DTWD2: variants seen among roughly 807,000 people sequenced by gnomAD.
The protein encoded by DTWD2 is DTW motif tRNA-uridine aminocarboxypropyltransferase 2, also known as tRNA-uridine aminocarboxypropyltransferase 2.
A neutral mutation model predicts 31.8 loss-of-function variants in DTWD2; 39 were observed. That is an observed-to-expected ratio of 1.22 (90% CI 0.95 to 1.60). DTWD2 has a LOEUF of 1.60. Ranked by LOEUF, DTWD2 falls within the 40% of genes most tolerant of loss-of-function variation. The probability of loss-of-function intolerance (pLI) is 0.00; values close to 1 mark genes in which losing one functional copy is unlikely to be tolerated. For synonymous variants in DTWD2, 180 were observed against 142.8 expected, an observed-to-expected ratio of 1.26 and a Z score of -1.86; for missense variants, 515 against 381.5, an observed-to-expected ratio of 1.35 and a Z score of -2.92.
rs559751990 is a variant in DTWD2, at chr5:118,944,740, T to C, written c.219-91A>G. On this transcript the variant is annotated intron_variant, in intron 1 of 5. Transcript: ENST00000510708. ...AATGACCTTAATCCCACTGCATTTA[T>C]ACAAAGAGGTTTGCTAAAGCTACAT... The C allele has an allele frequency of 6.7e-5, 79 of 1,172,390 alleles. 1 individual carries two copies. The South Asian group carries it at 7.6e-4, about 11-fold the overall frequency. 72.6% of individuals were successfully genotyped at this position (1,172,390 alleles called of 1,614,324 possible).
At chr5:118,843,703 T>C (rs566160552) in intron 5 of DTWD2, among the ~76,000 whole-genome samples, 1 of 152,318 alleles carries the variant, frequency 6.6e-6, no homozygotes, top group African/African-American at 2.4e-5. Flanking sequence ...TTCCAACTTT[T>C]ACATCCTGAA....
chr5:118,901,822 G>A (rs1462386445), intron 4 of DTWD2, among the ~76,000 whole-genome samples: 1 of 152,092 alleles, frequency 6.6e-6, no homozygotes, highest in African/African-American at 2.4e-5. Flanking sequence ...TGCTCAGGCT[G>A]ATCTTGAACT....
At chr5:118,973,088 T>TC (rs1488762488) in intron 1 of DTWD2, among the ~76,000 whole-genome samples, 1 of 151,806 alleles carries the variant, frequency 6.6e-6, no homozygotes, top group Non-Finnish European at 1.5e-5. Flanking sequence ...CCTTTTTTTT[T>TC]TTTTTTTTTG....
intron 1 of DTWD2, among the ~76,000 whole-genome samples, chr5:118,982,131 CTT>C (rs1755315756): frequency 6.6e-6 from 1 of 152,160 alleles, no homozygotes; most frequent in East Asian, 1.9e-4. Context: ...CCAGTGAACT[CTT>C]TTTAAGTGAT....
intron 1 of DTWD2, among the ~76,000 whole-genome samples, chr5:118,961,942 G>C (rs1754715403): frequency 6.6e-6 from 1 of 152,144 alleles, no homozygotes; most frequent in African/African-American, 2.4e-5. Flanking sequence ...GATTTTGAGA[G>C]TTAAAAATTT....
At chr5:118,950,726 G>C (rs1386466105) in intron 1 of DTWD2, among the ~76,000 whole-genome samples, 1 of 152,140 alleles carries the variant, frequency 6.6e-6, no homozygotes, top group Admixed American at 6.5e-5. Flanking sequence ...TGGCTTAGGC[G>C]TTTTGAAGTT....
At chr5:118,848,998 T>C (rs563802158) in intron 4 of DTWD2, among the ~76,000 whole-genome samples, 1 of 152,232 alleles carries the variant, frequency 6.6e-6, no homozygotes, top group African/African-American at 2.4e-5. Context: ...ACCAAAGCAA[T>C]GGCAGCAAAA....
chr5:118,852,942 C>A (rs1309046184), intron 4 of DTWD2, among the ~76,000 whole-genome samples: 1 of 152,108 alleles, frequency 6.6e-6, no homozygotes, highest in Non-Finnish European at 1.5e-5. Context: ...ACGCCATTAT[C>A]CTATGTGAAT....
chr5:118,929,489 C>CTT (rs60962983), intron 3 of DTWD2, among the ~76,000 whole-genome samples: 271 of 144,760 alleles, frequency 1.9e-3, no homozygotes, highest in Non-Finnish European at 2.9e-3. Flanking sequence ...CGTCACTTCC[C>CTT]TTTTTTTTTT....
Position 118,840,757 on chromosome 5 carries a change from G to A in DTWD2, c.*160C>T, listed in dbSNP as rs79416548. The A allele has an allele frequency of 2.5e-3, 1,706 of 695,224 alleles. 18 individuals carry two copies. The African/African-American group carries it at 0.029, about 12-fold the overall frequency. 43.1% of individuals were successfully genotyped at this position (695,224 alleles called of 1,614,324 possible). On this transcript the variant is annotated 3_prime_UTR_variant, in exon 6 of 6. Transcript: ENST00000510708. ...TGAGCCAGTGAATTTCTGTTTATTT[G>A]TATTTATGAATATTTGGTTTACTTC... is the stretch of plus-strand genomic sequence containing the variant.
intron 4 of DTWD2, among the ~76,000 whole-genome samples, chr5:118,886,818 C>G (rs951132107): frequency 6.6e-6 from 1 of 151,950 alleles, no homozygotes; most frequent in African/African-American, 2.4e-5. Flanking sequence ...TTTTAAAAAG[C>G]TAGATGGGGA....
rs1280240615 is a variant in DTWD2 at position 118,837,984 on chromosome 5, T to C, written c.*2933A>G. The C allele has an allele frequency of 6.6e-6, 1 of 152,144 alleles. No individual in the cohort carries two copies. Among genetic ancestry groups the C allele is most frequent in the Non-Finnish European group, 1.5e-5 (1 of 68,020 alleles). 9.4% of individuals were successfully genotyped at this position (152,144 alleles called of 1,614,324 possible). Reference sequence around the variant, plus strand: ...TGAGGAGCTTATTTCTTCCAAAATATATGAAAAATATTACTGGTCATGACT... The same window carrying C: ...TGAGGAGCTTATTTCTTCCAAAATACATGAAAAATATTACTGGTCATGACT... On this transcript the variant is annotated 3_prime_UTR_variant, in exon 6 of 6. Transcript: ENST00000510708.
intron 4 of DTWD2, among the ~76,000 whole-genome samples, chr5:118,924,808 G>A (rs1185831975): frequency 2.6e-5 from 4 of 152,050 alleles, no homozygotes; most frequent in Non-Finnish European, 5.9e-5. Context: ...TTCAAATTGC[G>A]GCTATGCTAT....
intron 1 of DTWD2, among the ~76,000 whole-genome samples, chr5:118,965,964 T>G (rs12519266): frequency 0.28 from 41,970 of 148,104 alleles, 6,657 homozygotes; most frequent in South Asian, 0.48. Context: ...AATAAATAAA[T>G]AAAAGAAAAA....
At chr5:118,920,303 T>TA (rs1160586519) in intron 4 of DTWD2, among the ~76,000 whole-genome samples, 2 of 151,956 alleles carry the variant, frequency 1.3e-5, no homozygotes, top group African/African-American at 4.8e-5. Context: ...TTTCTTTTTT[T>TA]AAAAAAGAGA....
chr5:118,845,559 T>C (rs1751833274), intron 5 of DTWD2, among the ~76,000 whole-genome samples: 1 of 152,190 alleles, frequency 6.6e-6, no homozygotes, highest in South Asian at 2.1e-4. Context: ...TCTCCCACCA[T>C]GTTATCAGTA....
At chr5:118,870,737 A>T (rs1752483080) in intron 4 of DTWD2, among the ~76,000 whole-genome samples, 2 of 152,120 alleles carry the variant, frequency 1.3e-5, no homozygotes, top group South Asian at 4.1e-4. Flanking sequence ...TCATAGAATA[A>T]GACAATAATG....
At chr5:118,897,599 CCTG>C (rs1479154941) in intron 4 of DTWD2, among the ~76,000 whole-genome samples, 1 of 152,176 alleles carries the variant, frequency 6.6e-6, no homozygotes, top group Non-Finnish European at 1.5e-5. Flanking sequence ...TAGCCTCCAA[CCTG>C]CTATGTTAAT....
At chr5:118,921,305 A>C (rs1271753272) in intron 4 of DTWD2, among the ~76,000 whole-genome samples, 1 of 152,118 alleles carries the variant, frequency 6.6e-6, no homozygotes, top group Non-Finnish European at 1.5e-5. Context: ...TGAAGCCAGG[A>C]GTTCAAAACC....
Sources: gnomAD v4.1 joint callset for allele counts (sites outside exome capture counted in the v4.1 genomes callset) on GRCh38, gnomAD v4.1.1 for gene constraint, MANE v1.5 for transcripts, NCBI Gene and HGNC (gene_info 2026-07-23, HGNC 2026-07-21) for gene names.